DNAJB12: variants seen among roughly 807,000 people sequenced by gnomAD.
DNAJB12 encodes the protein dnaJ homolog subfamily B member 12.
A neutral mutation model predicts 40.6 loss-of-function variants in DNAJB12; 14 were observed. The ratio of observed to expected loss-of-function variants is 0.34; its 90% confidence interval spans 0.23 to 0.54. The LOEUF (loss-of-function observed/expected upper bound fraction) is 0.54, where lower values mean the gene tolerates loss of function less well. DNAJB12 is among the 20% of genes least tolerant of loss of function. DNAJB12 has a pLI of 0.92. For synonymous variants in DNAJB12, 181 were observed against 199.5 expected (o/e 0.91, Z 0.78); for missense variants, 444 against 501.7 (o/e 0.89, Z 1.10).
intron 5 of DNAJB12, among the ~76,000 whole-genome samples, chr10:72,339,449 A>G (rs944314249): frequency 1.3e-5 from 2 of 151,870 alleles, no homozygotes; most frequent in African/African-American, 2.4e-5. Flanking sequence ...CAGGAGAATC[A>G]CTTGAACCTG....
intron 5 of DNAJB12, 73 bp from the exon 6 acceptor site, chr10:72,338,384 C>T (rs1441397462): frequency 7.8e-7 from 1 of 1,278,496 alleles, no homozygotes; most frequent in Admixed American, 1.8e-5. Context: ...ACCACTAGCT[C>T]CCCTAGAATA....
chr10:72,341,190 G>T lies in DNAJB12; in HGVS notation c.458-20C>A. ...CAATGGCTGGAGAGGAGGAGGAAAGGTCAGGCCTGAGGATCCTGGGGTGCG... is the reference window on the plus strand; with the variant it reads ...CAATGGCTGGAGAGGAGGAGGAAAGTTCAGGCCTGAGGATCCTGGGGTGCG... On this transcript the variant is annotated intron_variant, in intron 3 of 8. Coordinates refer to ENST00000444643, the MANE Select transcript of DNAJB12 (RefSeq NM_017626.7). 1 of 1,596,718 alleles carries T rather than the reference G, an allele frequency of 6.3e-7. No homozygotes were observed.
chr10:72,342,638 A>G (rs1861671147), intron 3 of DNAJB12, among the ~76,000 whole-genome samples: 1 of 152,216 alleles, frequency 6.6e-6, no homozygotes, highest in Admixed American at 6.5e-5. Flanking sequence ...AGTGGGGGCT[A>G]GTCACCATGC....
rs1204936801 is a variant in DNAJB12 at position 72,354,919 on chromosome 10, C to T, written c.-22G>A. 1.2e-6 allele frequency: 2 copies of T among 1,613,746 alleles called. No homozygotes were observed. Among genetic ancestry groups the T allele is most frequent in the Non-Finnish European group, 1.7e-6 (2 of 1,179,820 alleles). The stretch of plus-strand genomic sequence containing the variant: ...CCATGGCGGAACCAGAACGCGGAAC[C>T]AGGGAGGGGGAGGCCGGGCGAGCGA... On this transcript the variant is annotated 5_prime_UTR_variant, in exon 1 of 9. Transcript: ENST00000444643.
intron 1 of DNAJB12, chr10:72,354,508 G>A (rs1433373632): frequency 4.5e-6 from 2 of 446,802 alleles, no homozygotes; most frequent in Non-Finnish European, 8.0e-6. Context: ...TTCATTCTCG[G>A]AGACCTCAAA....
In DNAJB12 at chr10:72,332,895, G is replaced by T. The variant is rs1861354020; in HGVS notation, c.*1753C>A. On this transcript the variant is annotated 3_prime_UTR_variant, in exon 9 of 9. Transcript: ENST00000444643. ...TGAGAATTCTAATTCAAGAAATACA[G>T]CTTCCAGAGGATCCTTTAGGATCTA... 1 of 148,916 alleles carries T rather than the reference G, an allele frequency of 6.7e-6. No individual in the cohort carries two copies. Among genetic ancestry groups the T allele is most frequent in the South Asian group, 2.1e-4 (1 of 4,784 alleles). 9.2% of individuals were successfully genotyped at this position (148,916 alleles called of 1,614,324 possible).
chr10:72,351,319 T>A (rs1861929127), intron 1 of DNAJB12, among the ~76,000 whole-genome samples: 1 of 152,168 alleles, frequency 6.6e-6, no homozygotes, highest in South Asian at 2.1e-4. Flanking sequence ...AGTGCCTCCT[T>A]GTCCCACCTC....
chr10:72,348,906 T>C (rs1861866516), intron 1 of DNAJB12, among the ~76,000 whole-genome samples: 1 of 152,136 alleles, frequency 6.6e-6, no homozygotes, highest in Non-Finnish European at 1.5e-5. Flanking sequence ...CACCCCACTG[T>C]AGGAAGAGGG....
intron 6 of DNAJB12, 148 bp from the exon 7 acceptor site, chr10:72,336,844 G>C (rs1861492494): frequency 1.6e-6 from 1 of 610,064 alleles, no homozygotes; most frequent in African/African-American, 1.8e-5. Context: ...CACACTCCCT[G>C]AAAGGAGAGT....
chr10:72,354,803 T>C lies in DNAJB12; in HGVS notation c.95A>G (p.Glu32Gly). ...CGTCGGATACAGCCGCTGTGCCTTC[T>C]CCAGGAAGCGGAGCGCCCGGTCGGG... ...NQPDRALRFL[E>G]KAQRLYPTPR... The change falls in exon 1 of 9, where the codon GAG becomes GGG. Residue 32 changes from glutamate (E) to glycine (G), a missense_variant. Coordinates refer to ENST00000444643, the MANE Select transcript of DNAJB12 (RefSeq NM_017626.7). 6.2e-7 allele frequency: 1 copy of C among 1,613,866 alleles called. No homozygotes were observed.
At chr10:72,354,146 C>T (rs917097192) in intron 1 of DNAJB12, 13 of 152,326 alleles carry the variant, frequency 8.5e-5, no homozygotes, top group African/African-American at 2.9e-4. Context: ...CCAGGCCACC[C>T]GCTCCGAATC....
At chr10:72,334,873 A>G in intron 8 of DNAJB12, 3 of 1,304,618 alleles carry the variant, frequency 2.3e-6, no homozygotes, top group Non-Finnish European at 2.9e-6. Flanking sequence ...ACCCACACAG[A>G]GAAGAACCTT....
In DNAJB12 at chr10:72,344,676, G is replaced by A. The variant is rs998883541; in HGVS notation, c.311+274C>T. On this transcript the variant is annotated intron_variant, in intron 2 of 8. Transcript: ENST00000444643. ...GAGGCCTGGGGCCTGCCTGGCCAGC[G>A]GCAGAGGAAGCCGGCAGTGTCAGCT... 3.3e-5 allele frequency among the ~76,000 whole-genome samples: 5 copies of A among 152,260 alleles called. No individual in the cohort carries two copies. In the East Asian group the frequency reaches 9.6e-4, roughly 29 times the overall value.
intron 3 of DNAJB12, 42 bp from the exon 4 acceptor site, chr10:72,341,212 T>G (rs1589126997): frequency 6.4e-7 from 1 of 1,572,718 alleles, no homozygotes; most frequent in Non-Finnish European, 8.7e-7. Context: ...GATCCTGGGG[T>G]GCGGGGGGAG....
intron 1 of DNAJB12, among the ~76,000 whole-genome samples, chr10:72,348,604 G>C (rs1331608261): frequency 6.6e-6 from 1 of 152,214 alleles, no homozygotes; most frequent in African/African-American, 2.4e-5. Context: ...ACAGAGTATG[G>C]GGCTCCAGTG....
Position 72,340,841 on chromosome 10 carries a change from C to G in DNAJB12, c.671G>C (p.Arg224Pro), listed in dbSNP as rs149260270. Residue 224 changes from arginine (R) to proline (P), a missense_variant, in exon 5 of 9, where the codon CGC (arginine) becomes CCC (proline). Transcript: ENST00000444643. ...CCTTTGCTGGTAGGTATAGCGCATG[C>G]GGCCGTTGCTGTAGACGTGGACGTT... is the stretch of plus-strand genomic sequence containing the variant. The part of the protein sequence containing the change: ...SSNVHVYSNG[R>P]MRYTYQQRQD... The G allele has an allele frequency of 1.2e-4, 200 of 1,614,132 alleles. No homozygotes were observed. In the African/African-American group the frequency reaches 2.4e-3, roughly 20 times the overall value.
chr10:72,339,877 A>G (rs1406827575), intron 5 of DNAJB12, among the ~76,000 whole-genome samples: 1 of 151,828 alleles, frequency 6.6e-6, no homozygotes, highest in Non-Finnish European at 1.5e-5. Context: ...CGCCCAGCTA[A>G]TTTTTGTATG....
intron 1 of DNAJB12, among the ~76,000 whole-genome samples, chr10:72,353,153 A>G (rs1051967888): frequency 6.6e-6 from 1 of 152,254 alleles, no homozygotes; most frequent in Non-Finnish European, 1.5e-5. Flanking sequence ...ACACTCCTTC[A>G]AGCTCCTGAA....
intron 8 of DNAJB12, 166 bp from the exon 9 acceptor site, chr10:72,334,783 C>T: frequency 2.2e-6 from 3 of 1,392,716 alleles, no homozygotes; most frequent in Non-Finnish European, 2.8e-6. Flanking sequence ...AGCACAGAGG[C>T]AGGCACAAAT....
Sources: allele counts gnomAD v4.1 joint callset (sites outside exome capture counted in the v4.1 genomes callset), GRCh38; gene constraint gnomAD v4.1.1; transcripts MANE v1.5; gene names NCBI Gene and HGNC (gene_info 2026-07-23, HGNC 2026-07-21).